Variants in CFAP97 observed in about 807,000 individuals in gnomAD.
CFAP97 encodes cilia- and flagella-associated protein 97.
In CFAP97, 36 loss-of-function variants were observed where a neutral mutation model predicts 43.1. The observed-to-expected ratio is 0.84, with a 90% confidence interval of 0.64 to 1.10. The LOEUF is 1.10. Ranked by LOEUF, CFAP97 falls within the 50% of genes least tolerant of loss-of-function variation. The pLI is 0.00. For synonymous variants in CFAP97, 228 were observed against 225.7 expected, an observed-to-expected ratio of 1.01 and a Z score of -0.09; for missense variants, 657 against 620.3, an observed-to-expected ratio of 1.06 and a Z score of -0.63.
At chr4:185,182,092 T>C (rs950798994) in intron 2 of CFAP97, 9 of 152,194 alleles carry the variant, frequency 5.9e-5, no homozygotes, top group African/African-American at 2.2e-4. Flanking sequence ...TTTGAGGCCA[T>C]GTATTTCTAA....
intron 1 of CFAP97, among the ~76,000 whole-genome samples, chr4:185,196,154 G>A (rs911905215): frequency 7.9e-5 from 12 of 152,108 alleles, no homozygotes; most frequent in Admixed American, 3.3e-4. Flanking sequence ...TTAAACTGAC[G>A]AAGTAGAACA....
intron 2 of CFAP97, among the ~76,000 whole-genome samples, chr4:185,178,590 G>C (rs1343532162): frequency 3.9e-5 from 6 of 152,004 alleles, no homozygotes; most frequent in Admixed American, 3.3e-4. Flanking sequence ...AAATTTTCTA[G>C]GATGATGGAA....
rs1012318948 is a variant in CFAP97 at position 185,170,802 on chromosome 4, T to C, written c.1320+4984A>G. On this transcript the variant is annotated intron_variant, in intron 3 of 4. Coordinates refer to ENST00000458385, the MANE Select transcript of CFAP97 (RefSeq NM_020827.3). ...GAGTTTGAGACCAGCCTGGCCAACATGGTGAAACCCTGTCTCTACTAAAAA... is the reference window on the plus strand; with the variant it reads ...GAGTTTGAGACCAGCCTGGCCAACACGGTGAAACCCTGTCTCTACTAAAAA... Among the ~76,000 whole-genome samples, 5 of 150,512 alleles carry C rather than the reference T, an allele frequency of 3.3e-5. No homozygotes were observed. The South Asian group carries it at 8.5e-4, about 26-fold the overall frequency.
chr4:185,188,499 C>T (rs1406276423), intron 2 of CFAP97, among the ~76,000 whole-genome samples: 4 of 152,084 alleles, frequency 2.6e-5, no homozygotes, highest in African/African-American at 7.2e-5. Context: ...TGTGCCACTA[C>T]GCTCGGCTCA....
chr4:185,173,650 T>C (rs138702987), intron 3 of CFAP97, among the ~76,000 whole-genome samples: 1 of 152,154 alleles, frequency 6.6e-6, no homozygotes, highest in Non-Finnish European at 1.5e-5. Flanking sequence ...AGGACAAATA[T>C]TGTACAGTTC....
chr4:185,162,721 TAC>T lies in CFAP97; in HGVS notation c.*75_*76del. ...TTGCTAAAACGGTATTCTAGATGTT[TAC>T]ACAGAGAATTATAGGAATATGCACG... On this transcript the variant is annotated 3_prime_UTR_variant, in exon 5 of 5. Coordinates refer to ENST00000458385, the MANE Select transcript of CFAP97 (RefSeq NM_020827.3). 2 of 1,462,296 alleles carry T rather than the reference TAC, an allele frequency of 1.4e-6. No homozygotes were observed. The highest frequency in any genetic ancestry group is 1.9e-6 in the Non-Finnish European group (2 of 1,061,050). 90.6% of individuals were successfully genotyped at this position (1,462,296 alleles called of 1,614,324 possible). A position where few individuals can be genotyped will look rare whatever the true frequency, so the allele number is the denominator to read the frequency against.
At chr4:185,208,295 C>T (rs1481635012), upstream of CFAP97, among the ~76,000 whole-genome samples, 2 of 151,772 alleles carry the variant, frequency 1.3e-5, no homozygotes, top group Admixed American at 6.6e-5. Context: ...GGATTACAGG[C>T]GTGAGCCACC....
intron 1 of CFAP97, among the ~76,000 whole-genome samples, chr4:185,199,232 AGTAGTG>A (rs1223476356): frequency 6.6e-6 from 1 of 152,094 alleles, no homozygotes; most frequent in Non-Finnish European, 1.5e-5. Context: ...ATTAGCCAGG[AGTAGTG>A]GCATGTACCT....
At chr4:185,174,703 T>G (rs760289163) in intron 3 of CFAP97, among the ~76,000 whole-genome samples, 1 of 152,234 alleles carries the variant, frequency 6.6e-6, no homozygotes, top group African/African-American at 2.4e-5. Flanking sequence ...GCATACTCAG[T>G]AGCTCTGTGC....
intron 1 of CFAP97, among the ~76,000 whole-genome samples, chr4:185,198,640 T>A (rs893297280): frequency 6.6e-6 from 1 of 150,900 alleles, no homozygotes; most frequent in African/African-American, 2.4e-5. Flanking sequence ...AAATACAAAA[T>A]TAGCCGGGTG....
chr4:185,189,419 T>C (rs1474245023), intron 2 of CFAP97, among the ~76,000 whole-genome samples: 1 of 152,204 alleles, frequency 6.6e-6, no homozygotes, highest in African/African-American at 2.4e-5. Context: ...ATTTACAATT[T>C]AAAAACTTTA....
At chr4:185,173,712 C>T (rs949139112) in intron 3 of CFAP97, among the ~76,000 whole-genome samples, 1 of 152,054 alleles carries the variant, frequency 6.6e-6, no homozygotes, top group African/African-American at 2.4e-5. Flanking sequence ...AGAAAGCAGA[C>T]TAGATGCCCT....
At chr4:185,165,540 T>C (rs541486809) in intron 3 of CFAP97, among the ~76,000 whole-genome samples, 4 of 152,298 alleles carry the variant, frequency 2.6e-5, no homozygotes, top group East Asian at 1.9e-4. Flanking sequence ...TGATTGTGTT[T>C]TATTCTTTTC....
At position 185,209,144 on chromosome 4, in the gene CFAP97, T is replaced by C. The variant is rs1367348332; in HGVS notation, c.-74+181A>G. Reference sequence around the variant, plus strand: ...CACTTACTCCACCGCACGTGTCTGATTCCTTCCCTAAGGCGGCAGGGTGGG... The same window carrying C: ...CACTTACTCCACCGCACGTGTCTGACTCCTTCCCTAAGGCGGCAGGGTGGG... On this transcript the variant is annotated intron_variant, in intron 1 of 2. Coordinates refer to the CFAP97 transcript ENST00000503223. The surrounding 1 kb of genome is among the most constrained non-coding windows in gnomAD (Gnocchi z 5.2). Among the ~76,000 whole-genome samples the C allele has an allele frequency of 6.6e-6, 1 of 152,176 alleles. No individual in the cohort carries two copies. The highest frequency in any genetic ancestry group is 1.5e-5 in the Non-Finnish European group (1 of 68,026).
At chr4:185,187,729 G>C (rs10025148) in intron 2 of CFAP97, among the ~76,000 whole-genome samples, 69,170 of 150,452 alleles carry the variant, frequency 0.46, 15,940 homozygotes, top group Middle Eastern at 0.56. Flanking sequence ...AGCAATGGTT[G>C]TCACCAATCT....
At chr4:185,164,242 T>TA in intron 3 of CFAP97, 63 bp from the exon 4 acceptor site, 2 of 1,464,260 alleles carry the variant, frequency 1.4e-6, no homozygotes, top group Non-Finnish European at 1.9e-6. Flanking sequence ...AACAAGGCAA[T>TA]ACATTCTAGA....
At chr4:185,181,782 G>C (rs1476471522) in intron 2 of CFAP97, among the ~76,000 whole-genome samples, 3 of 152,234 alleles carry the variant, frequency 2.0e-5, no homozygotes, top group African/African-American at 4.8e-5. Flanking sequence ...TTGGTAGTGT[G>C]TTGAGGGCAT....
Position 185,162,752 on chromosome 4 carries a change from A to T in CFAP97, c.*46T>A, listed in dbSNP as rs1579223428. ...GAGAATTATAGGAATATGCACGAGC[A>T]CTTCAAGAAAAGTTGTGTGAACAAT... is the stretch of plus-strand genomic sequence containing the variant. On this transcript the variant is annotated 3_prime_UTR_variant, in exon 5 of 5. Transcript: ENST00000458385. The T allele has an allele frequency of 1.3e-6, 2 of 1,588,388 alleles. No individual in the cohort carries two copies. Among genetic ancestry groups the T allele is most frequent in the East Asian group, 4.5e-5 (2 of 44,552 alleles).
At chr4:185,209,660 G>C (rs527386001), upstream of CFAP97, among the ~76,000 whole-genome samples, 304 of 151,610 alleles carry the variant, frequency 2.0e-3, 1 homozygote, top group African/African-American at 6.4e-3. This position sits in a 1 kb window ranked among gnomAD's most constrained non-coding sequence, Gnocchi z 5.2. Context: ...CCAGCGCCTG[G>C]TGGCGGCGCT....
Sources: gnomAD v4.1 joint callset for allele counts (sites outside exome capture counted in the v4.1 genomes callset) on GRCh38, gnomAD v4.1.1 for gene constraint, Gnocchi (gnomAD v3.1) non-coding constraint, MANE v1.5 for transcripts, NCBI Gene and HGNC (gene_info 2026-07-23, HGNC 2026-07-21) for gene names.